GALNT13: variants seen among roughly 807,000 people sequenced by gnomAD.
The protein encoded by GALNT13 is UDP-GalNAc:polypeptide N-acetylgalactosaminyltransferase 13.
Under a neutral mutation model 64.2 loss-of-function variants are expected in GALNT13, and 28 were observed. The observed-to-expected ratio is 0.44, with a 90% CI of 0.32 to 0.60. The LOEUF (loss-of-function observed/expected upper bound fraction) is 0.60. GALNT13 is among the 20% of genes least tolerant of loss of function. The probability of loss-of-function intolerance (pLI) is 0.05; values close to 1 mark genes in which losing one functional copy is unlikely to be tolerated. For synonymous variants in GALNT13, 214 were observed against 224.6 expected (o/e 0.95, Z 0.42); for missense variants, 577 against 669.8 (o/e 0.86, Z 1.53).
intron 3 of GALNT13, among the ~76,000 whole-genome samples, chr2:154,086,858 A>G (rs1163776981): frequency 6.6e-6 from 1 of 152,160 alleles, no homozygotes; most frequent in African/African-American, 2.4e-5. Context: ...GAATTTATAA[A>G]CATACCGTTA....
the GALNT13 span, among the ~76,000 whole-genome samples, chr2:153,632,938 T>G: frequency 2.2e-4 from 34 of 152,082 alleles, no homozygotes; most frequent in African/African-American, 7.7e-4. Flanking sequence ...GCACTTTTTT[T>G]TTAGTAGAGA....
At chr2:153,170,205 C>T in the GALNT13 span, among the ~76,000 whole-genome samples, 9 of 152,014 alleles carry the variant, frequency 5.9e-5, no homozygotes, top group African/African-American at 2.2e-4. Flanking sequence ...ACAAAATAAA[C>T]CTAATACGTT....
intron 9 of GALNT13, among the ~76,000 whole-genome samples, chr2:154,319,308 C>T (rs1489769858): frequency 1.3e-5 from 2 of 152,050 alleles, no homozygotes; most frequent in African/African-American, 4.8e-5. Flanking sequence ...AATGAGTATA[C>T]AAATTACTGA....
the GALNT13 span, among the ~76,000 whole-genome samples, chr2:153,334,807 C>T: frequency 1.3e-5 from 2 of 152,110 alleles, no homozygotes; most frequent in African/African-American, 4.8e-5. Flanking sequence ...GTTCATTTCT[C>T]ATAGTCTCCC....
rs74893023 is a variant in GALNT13, at chr2:154,060,041, G to A, written c.143-80296G>A. Among the ~76,000 whole-genome samples, 908 of 152,234 alleles carry A rather than the reference G, an allele frequency of 6.0e-3. 13 individuals are homozygous for A. The highest frequency in any genetic ancestry group is 0.02 in the African/African-American group (847 of 41,532). On this transcript the variant is annotated intron_variant, in intron 3 of 12. Transcript: ENST00000392825. ...TTTTAGATGAAATAATAAAGGTAGG[G>A]CCCCTGTAGTGGGATTAGTGTTCTT...
At chr2:153,697,491 GA>G in the GALNT13 span, among the ~76,000 whole-genome samples, 2 of 151,516 alleles carry the variant, frequency 1.3e-5, no homozygotes, top group Non-Finnish European at 2.9e-5. Flanking sequence ...CATTGGCTGA[GA>G]AAAAAAATGG....
rs757300580 is a variant in GALNT13 at position 154,259,134 on chromosome 2, T to A, written c.971T>A (p.Phe324Tyr). The A allele has an allele frequency of 6.6e-7, 1 of 1,504,874 alleles. No homozygotes were observed. The highest frequency in any genetic ancestry group is 9.2e-7 in the Non-Finnish European group (1 of 1,082,694). 93.2% of individuals were successfully genotyped at this position (1,504,874 alleles called of 1,614,324 possible). The change falls in exon 8 of 13, where the codon TTT becomes TAT. Residue 324 changes from phenylalanine to tyrosine, a missense_variant. Around this residue, in one of 3 missense-constraint regions of GALNT13, gnomAD observed 4 missense variants for 20.0 expected, o/e 0.20. Coordinates refer to ENST00000392825, the MANE Select transcript of GALNT13 (RefSeq NM_052917.4). ...IWGGENLEMS[F>Y]RIWQCGGSLE... ...GGTGGAGAGAATCTTGAAATGTCTT[T>A]TAGGGTAATTGCATTTTATTTTATT...
the GALNT13 span, among the ~76,000 whole-genome samples, chr2:153,437,299 T>C: frequency 6.6e-6 from 1 of 152,174 alleles, no homozygotes; most frequent in African/African-American, 2.4e-5. Context: ...AAATGTATAT[T>C]CTGTTGATTT....
the GALNT13 span, among the ~76,000 whole-genome samples, chr2:153,635,550 A>G: frequency 6.6e-6 from 1 of 151,828 alleles, no homozygotes; most frequent in Admixed American, 6.6e-5. Flanking sequence ...GTGATACTAA[A>G]AGTAAATTAG....
chr2:153,341,811 C>T, the GALNT13 span, among the ~76,000 whole-genome samples: 16 of 152,084 alleles, frequency 1.1e-4, no homozygotes, highest in Admixed American at 3.3e-4. Flanking sequence ...GCTTACCAGG[C>T]TATTATATTT....
the GALNT13 span, among the ~76,000 whole-genome samples, chr2:153,736,936 A>G: frequency 6.4e-3 from 980 of 152,268 alleles, 9 homozygotes; most frequent in Admixed American, 0.01. Context: ...AACCTCTGAC[A>G]TTCTATGCAG....
the GALNT13 span, among the ~76,000 whole-genome samples, chr2:153,095,907 G>A: frequency 2.6e-5 from 4 of 151,954 alleles, no homozygotes; most frequent in Non-Finnish European, 5.9e-5. Flanking sequence ...GAGCGGGGAG[G>A]GATAGCATTA....
At chr2:153,674,999 C>G in the GALNT13 span, among the ~76,000 whole-genome samples, 1 of 152,116 alleles carries the variant, frequency 6.6e-6, no homozygotes, top group African/African-American at 2.4e-5. Context: ...CAATGAGATA[C>G]CATCTCATGC....
chr2:153,514,633 C>A, the GALNT13 span, among the ~76,000 whole-genome samples: 1 of 152,152 alleles, frequency 6.6e-6, no homozygotes, highest in Non-Finnish European at 1.5e-5. Context: ...ATTCCTCGCT[C>A]CAGAGGAACT....
At chr2:153,465,660 G>GA in the GALNT13 span, among the ~76,000 whole-genome samples, 1 of 151,794 alleles carries the variant, frequency 6.6e-6, no homozygotes, top group South Asian at 2.1e-4. Context: ...TTAATGTAAG[G>GA]ACTAGTCTTT....
At chr2:153,315,172 A>G in the GALNT13 span, among the ~76,000 whole-genome samples, 1 of 152,234 alleles carries the variant, frequency 6.6e-6, no homozygotes, top group Admixed American at 6.5e-5. Flanking sequence ...AGAAGACACA[A>G]CAACCTTTTT....
the GALNT13 span, among the ~76,000 whole-genome samples, chr2:153,598,654 C>G: frequency 6.6e-6 from 1 of 152,056 alleles, no homozygotes; most frequent in Non-Finnish European, 1.5e-5. Context: ...GTACACAGTA[C>G]TACTGACTGA....
chr2:154,057,091 G>A lies in GALNT13; in HGVS notation c.143-83246G>A, dbSNP rs188060705. On this transcript the variant is annotated intron_variant, in intron 3 of 12. Coordinates refer to ENST00000392825, the MANE Select transcript of GALNT13 (RefSeq NM_052917.4). The stretch of plus-strand genomic sequence containing the variant: ...GTCGCCCAGGCTGGAGTACAGTGGC[G>A]CAATCTTGGCTCACTGCAACTTCCG... 2.5e-3 allele frequency among the ~76,000 whole-genome samples: 386 copies of A among 151,966 alleles called. 4 individuals are homozygous for A. The highest frequency in any genetic ancestry group is 8.0e-3 in the African/African-American group (330 of 41,444).
intron 9 of GALNT13, among the ~76,000 whole-genome samples, chr2:154,358,454 A>G (rs188605668): frequency 1.4e-4 from 21 of 152,208 alleles, no homozygotes; most frequent in African/African-American, 5.1e-4. Context: ...TTTATAGAAT[A>G]TATTCACTTT....
Sources: allele counts gnomAD v4.1 joint callset (sites outside exome capture counted in the v4.1 genomes callset), GRCh38; gene constraint gnomAD v4.1.1; regional missense constraint gnomAD v4.1.1; transcripts MANE v1.5; gene names NCBI Gene and HGNC (gene_info 2026-07-23, HGNC 2026-07-21).